KIF15: variants seen among roughly 807,000 people sequenced by gnomAD.
KIF15 encodes kinesin-like protein KIF15.
KIF15 carries 140 observed loss-of-function variants against 190.6 expected under a neutral mutation model. The observed-to-expected ratio is 0.73, with a 90% confidence interval of 0.64 to 0.84. The LOEUF (loss-of-function observed/expected upper bound fraction) is 0.84, where lower values mean the gene tolerates loss of function less well. KIF15 is among the 40% of genes least tolerant of loss of function. KIF15 has a pLI of 0.00. For missense variants in KIF15, 1,372 were observed against 1,584.4 expected, an observed-to-expected ratio of 0.87 and a Z score of 2.28; for synonymous variants, 528 against 551.3, an observed-to-expected ratio of 0.96 and a Z score of 0.59.
intron 1 of KIF15, among the ~76,000 whole-genome samples, chr3:44,765,816 C>T (rs2125889451): frequency 6.6e-6 from 1 of 152,164 alleles, no homozygotes; most frequent in Middle Eastern, 3.4e-3. Context: ...CTGAGAGTGC[C>T]CTTAGGTTTG....
In KIF15 at chr3:44,805,077, A is replaced by G. The variant is rs1428316270; in HGVS notation, c.1738A>G (p.Asn580Asp). ...TCAGAAAGAGCCATGTTTGTTTGCA[A>G]ACACTGAGAAGTTAAAAGCACAACT... ...KAQKEPCLFA[N>D]TEKLKAQLLQ... is the part of the protein sequence containing the mutation. Residue 580 changes from asparagine (N) to aspartate (D), a missense_variant, in exon 15 of 35, where the codon AAC becomes GAC. Coordinates refer to ENST00000326047, the MANE Select transcript of KIF15 (RefSeq NM_020242.3). The G allele has an allele frequency of 6.2e-7, 1 of 1,614,106 alleles. No individual in the cohort carries two copies. The highest frequency in any genetic ancestry group is 2.2e-5 in the East Asian group (1 of 44,874).
intron 6 of KIF15, chr3:44,865,095 G>C: frequency 6.2e-7 from 1 of 1,614,136 alleles, no homozygotes; most frequent in South Asian, 1.1e-5. Context: ...TGGTGGGGAG[G>C]AGTGTTCCTT....
At chr3:44,816,885 A>G (rs1252620344) in intron 20 of KIF15, among the ~76,000 whole-genome samples, 2 of 152,144 alleles carry the variant, frequency 1.3e-5, no homozygotes, top group Non-Finnish European at 1.5e-5. Context: ...ATTTCTCCAC[A>G]TCCTCTCCAG....
chr3:44,815,109 T>G, intron 20 of KIF15, 33 bp downstream of exon 20: 1 of 1,510,566 alleles, frequency 6.6e-7, no homozygotes, highest in African/African-American at 1.4e-5. Flanking sequence ...TCAAGTTGCC[T>G]GATTGGCTGT....
chr3:44,822,797 G>A (rs1015216693), intron 20 of KIF15, among the ~76,000 whole-genome samples: 5 of 151,920 alleles, frequency 3.3e-5, no homozygotes, highest in Admixed American at 6.6e-5. Flanking sequence ...TGATCGAATC[G>A]ACTGTTGAAG....
In KIF15 at chr3:44,769,570, C is replaced by T. The variant is rs147501896; in HGVS notation, c.20-4825C>T. Among the ~76,000 whole-genome samples, 437 of 152,268 alleles carry T rather than the reference C, an allele frequency of 2.9e-3. 1 individual carries two copies. Among genetic ancestry groups the T allele is most frequent in the Middle Eastern group, 6.8e-3 (2 of 294 alleles). On this transcript the variant is annotated intron_variant, in intron 1 of 34. Transcript: ENST00000326047. ...TCGTGGATACTAGCATGATGTTTAT[C>T]CATGAAACAGGAGGCTTGGCTTAAT...
intron 32 of KIF15, among the ~76,000 whole-genome samples, chr3:44,849,775 T>C (rs1035858471): frequency 2.6e-5 from 4 of 152,146 alleles, no homozygotes; most frequent in African/African-American, 9.6e-5. Flanking sequence ...TTTGTAAAAA[T>C]TTATTTTAAT....
intron 10 of KIF15, among the ~76,000 whole-genome samples, chr3:44,799,561 CTTT>C (rs749598603): frequency 5.0e-5 from 7 of 140,368 alleles, no homozygotes; most frequent in Admixed American, 1.4e-4. Context: ...AATTAATCAA[CTTT>C]TTTTTTTTTT....
intron 26 of KIF15, among the ~76,000 whole-genome samples, chr3:44,835,029 C>T (rs1397093206): frequency 1.3e-5 from 2 of 150,226 alleles, no homozygotes; most frequent in Non-Finnish European, 3.0e-5. Flanking sequence ...AGTTTAAAAA[C>T]ATAACAGGAG....
At chr3:44,777,819 TGAA>T (rs1290474011) in intron 3 of KIF15, among the ~76,000 whole-genome samples, 2 of 152,220 alleles carry the variant, frequency 1.3e-5, no homozygotes, top group African/African-American at 4.8e-5. Context: ...GAAAAATCAC[TGAA>T]GAAGATGTAC....
At position 44,774,327 on chromosome 3, in the gene KIF15, A is replaced by G. The variant is rs376731656; in HGVS notation, c.20-68A>G. ...TGAATGTAGCAGGCAACCCAGGAAC[A>G]TGTTAGAGAAGAATAGGATTTCCAT... On this transcript the variant is annotated intron_variant, in intron 1 of 34. Coordinates refer to ENST00000326047, the MANE Select transcript of KIF15 (RefSeq NM_020242.3). The G allele has an allele frequency of 2.2e-4, 313 of 1,399,158 alleles. 1 individual carries two copies. The highest frequency in any genetic ancestry group is 2.6e-4 in the Non-Finnish European group (260 of 995,758). 86.7% of individuals were successfully genotyped at this position (1,399,158 alleles called of 1,614,324 possible). A position where few individuals can be genotyped will look rare whatever the true frequency, so the allele number is the denominator to read the frequency against.
chr3:44,835,878 G>A (rs908641466), intron 26 of KIF15, among the ~76,000 whole-genome samples: 2 of 152,218 alleles, frequency 1.3e-5, no homozygotes, highest in African/African-American at 4.8e-5. Context: ...ATGGATTAGA[G>A]TTCTGTACAA....
chr3:44,798,455 C>A (rs150816034), intron 10 of KIF15, among the ~76,000 whole-genome samples: 7,149 of 151,960 alleles, frequency 0.047, 206 homozygotes, highest in Middle Eastern at 0.082. Flanking sequence ...GGACTACAGG[C>A]GCCCACCACC....
intron 7 of KIF15, among the ~76,000 whole-genome samples, chr3:44,790,762 G>A (rs1575597541): frequency 5.0e-5 from 7 of 140,538 alleles, no homozygotes; most frequent in Admixed American, 7.8e-5. Flanking sequence ...GCATGATCTC[G>A]GCTCACTGCA....
chr3:44,786,712 A>G, intron 7 of KIF15, 138 bp downstream of exon 7: 2 of 601,252 alleles, frequency 3.3e-6, no homozygotes, highest in Non-Finnish European at 5.2e-6. Context: ...GGAAGTAAAG[A>G]TAAAATAATA....
intron 1 of KIF15, among the ~76,000 whole-genome samples, chr3:44,763,241 G>A (rs1705224124): frequency 6.6e-6 from 1 of 152,172 alleles, no homozygotes; most frequent in African/African-American, 2.4e-5. Context: ...GAACACATGG[G>A]AGAAGAGAGC....
rs545580365 is a variant in KIF15, at chr3:44,774,618, A to T, written c.62+181A>T. ...CTCACTTTCCAGGCAAAATGATAGA[A>T]TCAATAGCATAATTCTCCTTGGGAA... On this transcript the variant is annotated intron_variant, in intron 2 of 34. Transcript: ENST00000326047. Among the ~76,000 whole-genome samples, 4 of 152,342 alleles carry T rather than the reference A, an allele frequency of 2.6e-5. No homozygotes were observed. In the South Asian group the frequency reaches 8.3e-4, roughly 32 times the overall value.
intron 26 of KIF15, among the ~76,000 whole-genome samples, chr3:44,835,422 T>C (rs1269485610): frequency 2.0e-5 from 3 of 151,932 alleles, no homozygotes; most frequent in Non-Finnish European, 4.4e-5. Context: ...GGTATTTTTT[T>C]GTAGAGATGA....
intron 6 of KIF15, among the ~76,000 whole-genome samples, chr3:44,859,451 G>T (rs1050213495): frequency 3.9e-5 from 6 of 152,024 alleles, no homozygotes; most frequent in African/African-American, 2.4e-5. Flanking sequence ...GATCACTTGG[G>T]CCCAGGGGTT....
Sources: gnomAD v4.1 joint callset for allele counts (sites outside exome capture counted in the v4.1 genomes callset) on GRCh38, gnomAD v4.1.1 for gene constraint, MANE v1.5 for transcripts, NCBI Gene and HGNC (gene_info 2026-07-23, HGNC 2026-07-21) for gene names.